HIKESHI: variants seen among roughly 807,000 people sequenced by gnomAD.
The protein encoded by HIKESHI is protein Hikeshi.
In HIKESHI, 13 loss-of-function variants were observed where a neutral mutation model predicts 25.7. That is an observed-to-expected ratio of 0.51 (90% CI 0.33 to 0.80). HIKESHI has a LOEUF of 0.80. HIKESHI is among the 30% of genes least tolerant of loss of function. The pLI, the probability that HIKESHI is intolerant of heterozygous loss-of-function variation, is 0.02. For synonymous variants in HIKESHI, 76 were observed against 78.7 expected, an observed-to-expected ratio of 0.97 and a Z score of 0.18; for missense variants, 174 against 229.5, an observed-to-expected ratio of 0.76 and a Z score of 1.56.
At chr11:86,308,167 C>CATATAAAATATATATTAT (rs1946716719) in intron 2 of HIKESHI, among the ~76,000 whole-genome samples, 1 of 17,802 alleles carries the variant, frequency 5.6e-5, no homozygotes, top group Admixed American at 7.6e-4. Flanking sequence ...ATATATATTA[C>CATATAAAATATATATTAT]ATATAAAATA....
chr11:86,302,322 A>C lies in HIKESHI; in HGVS notation c.-127A>C. Reference sequence around the variant, plus strand: ...CATTCTTGCCGCTGGCCCAGTCACTATGTAGTGGAGGGGCAGACACCCTCC... The same window carrying C: ...CATTCTTGCCGCTGGCCCAGTCACTCTGTAGTGGAGGGGCAGACACCCTCC... On this transcript the variant is annotated 5_prime_UTR_variant, in exon 1 of 5. It removes an upstream start codon present in the reference 5' UTR. Transcript: ENST00000278483. The C allele has an allele frequency of 8.8e-7, 1 of 1,130,202 alleles. No individual in the cohort carries two copies. The highest frequency in any genetic ancestry group is 1.3e-6 in the Non-Finnish European group (1 of 775,446). The allele number at this position is 1,130,202 out of a possible 1,614,324, so 70.0% of individuals were successfully genotyped here.
intron 2 of HIKESHI, among the ~76,000 whole-genome samples, chr11:86,332,019 C>A (rs1469238645): frequency 2.1e-5 from 3 of 143,206 alleles, no homozygotes; most frequent in Non-Finnish European, 4.5e-5. Context: ...CTTGCTCTGT[C>A]GCTCAGGCTG....
intron 2 of HIKESHI, among the ~76,000 whole-genome samples, chr11:86,333,368 T>A (rs1327143446): frequency 1.3e-5 from 2 of 152,086 alleles, no homozygotes; most frequent in Admixed American, 6.6e-5. Context: ...AAACCCCGTC[T>A]GCACTAAAAA....
At chr11:86,308,559 T>TTTTGTTTATTTATTTATTTA (rs1555183542) in intron 2 of HIKESHI, among the ~76,000 whole-genome samples, 2 of 142,564 alleles carry the variant, frequency 1.4e-5, no homozygotes, top group Admixed American at 7.4e-5. Context: ...CCATAATTCT[T>TTTTGTTTATTTATTTATTTA]TTTATTTATT....
intron 3 of HIKESHI, among the ~76,000 whole-genome samples, chr11:86,341,968 A>G (rs1165846808): frequency 6.6e-6 from 1 of 152,198 alleles, no homozygotes; most frequent in Non-Finnish European, 1.5e-5. Flanking sequence ...TGATTGCTTC[A>G]TAGTGTGCCA....
intron 2 of HIKESHI, among the ~76,000 whole-genome samples, chr11:86,317,796 A>G (rs1156564829): frequency 1.3e-5 from 2 of 151,960 alleles, no homozygotes; most frequent in East Asian, 1.9e-4. Context: ...TAGAAAAAAA[A>G]CAAAAACGAA....
At chr11:86,345,010 G>A in intron 4 of HIKESHI, 4 of 593,852 alleles carry the variant, frequency 6.7e-6, no homozygotes, top group Non-Finnish European at 9.9e-6. Flanking sequence ...TCATTTAGAA[G>A]TACCATCTAT....
intron 2 of HIKESHI, among the ~76,000 whole-genome samples, chr11:86,315,425 G>A (rs953096978): frequency 2.2e-4 from 34 of 151,778 alleles, no homozygotes; most frequent in Non-Finnish European, 4.9e-4. Context: ...GGTTCAAGCA[G>A]TGCTCCCGCC....
chr11:86,334,635 T>G (rs1947502513), intron 2 of HIKESHI, among the ~76,000 whole-genome samples: 1 of 152,208 alleles, frequency 6.6e-6, no homozygotes, highest in African/African-American at 2.4e-5. Context: ...ATTCTAGATT[T>G]AAAAGAAATC....
chr11:86,307,062 GTGTAATATA>G (rs1946646610), intron 2 of HIKESHI, among the ~76,000 whole-genome samples: 1 of 27,386 alleles, frequency 3.7e-5, no homozygotes, highest in Non-Finnish European at 6.9e-5. Flanking sequence ...TATATATTAT[GTGTAATATA>G]CATCATGTAT....
intron 2 of HIKESHI, among the ~76,000 whole-genome samples, chr11:86,325,197 AAG>A (rs1039009001): frequency 3.9e-5 from 6 of 152,188 alleles, no homozygotes; most frequent in African/African-American, 1.4e-4. Context: ...GGAAAAAAAA[AAG>A]AGAAAAATTT....
intron 3 of HIKESHI, among the ~76,000 whole-genome samples, chr11:86,343,353 G>T (rs192773665): frequency 2.7e-5 from 4 of 150,908 alleles, no homozygotes; most frequent in Non-Finnish European, 5.9e-5. Flanking sequence ...TGTGACTTTA[G>T]TCTGGGTACA....
At chr11:86,329,574 C>CTTTTTTTTTTTTTTTTTTTTTTTTTT (rs71040232) in intron 2 of HIKESHI, among the ~76,000 whole-genome samples, 1 of 143,878 alleles carries the variant, frequency 7.0e-6, no homozygotes, top group African/African-American at 2.6e-5. Flanking sequence ...CCTGTGATTT[C>CTTTTTTTTTTTTTTTTTTTTTTTTTT]TTTTTTTTTT....
chr11:86,333,515 A>C (rs1466101403), intron 2 of HIKESHI, among the ~76,000 whole-genome samples: 1 of 151,726 alleles, frequency 6.6e-6, no homozygotes, highest in Admixed American at 6.6e-5. Context: ...AGCCTGGGCA[A>C]CAGAGTGAGA....
At chr11:86,328,842 G>A (rs1822279737) in intron 2 of HIKESHI, among the ~76,000 whole-genome samples, 1 of 151,982 alleles carries the variant, frequency 6.6e-6, no homozygotes, top group African/African-American at 2.4e-5. Flanking sequence ...CTCCCAAAGT[G>A]CTGGGATTAC....
chr11:86,310,633 T>C (rs927078552), intron 2 of HIKESHI, among the ~76,000 whole-genome samples: 96 of 152,216 alleles, frequency 6.3e-4, no homozygotes, highest in Admixed American at 9.2e-4. Context: ...GCATCCCTGT[T>C]TTGTGCCAGT....
intron 2 of HIKESHI, among the ~76,000 whole-genome samples, chr11:86,329,517 C>T (rs1027897730): frequency 6.6e-6 from 1 of 150,814 alleles, no homozygotes; most frequent in Non-Finnish European, 1.5e-5. Flanking sequence ...GTACAGATGT[C>T]GTGTCTATGA....
intron 2 of HIKESHI, among the ~76,000 whole-genome samples, chr11:86,314,581 A>G (rs533185524): frequency 2.0e-5 from 3 of 152,226 alleles, no homozygotes; most frequent in African/African-American, 4.8e-5. Context: ...AGATCATGCT[A>G]TTGCACTCCA....
At chr11:86,310,816 A>G (rs542413241) in intron 2 of HIKESHI, among the ~76,000 whole-genome samples, 14 of 152,212 alleles carry the variant, frequency 9.2e-5, no homozygotes, top group Admixed American at 6.5e-4. Context: ...ATCTATTGAG[A>G]TATCATGTGG....
Sources: allele counts gnomAD v4.1 joint callset (sites outside exome capture counted in the v4.1 genomes callset), GRCh38; gene constraint gnomAD v4.1.1; transcripts MANE v1.5; gene names NCBI Gene and HGNC (gene_info 2026-07-23, HGNC 2026-07-21).